The following LMO7 variants were observed in gnomAD, a reference collection of about 807,000 sequenced individuals.
The protein encoded by LMO7 is LIM domain 7, also known as LIM domain only protein 7.
In LMO7, 120 loss-of-function variants were observed where a neutral mutation model predicts 206.5. The observed-to-expected ratio is 0.58, with a 90% CI of 0.50 to 0.68. LMO7 has a LOEUF of 0.68. LMO7 is among the 30% of genes least tolerant of loss of function. The pLI, the probability that LMO7 is intolerant of heterozygous loss-of-function variation, is 0.00. For synonymous variants in LMO7, 706 were observed against 681.5 expected, an observed-to-expected ratio of 1.04 and a Z score of -0.56; for missense variants, 1,959 against 1,957.9, an observed-to-expected ratio of 1.00 and a Z score of -0.01.
At chr13:75,763,086 A>G (rs2048398577) in intron 4 of LMO7, among the ~76,000 whole-genome samples, 1 of 152,174 alleles carries the variant, frequency 6.6e-6, no homozygotes, top group Admixed American at 6.6e-5. Flanking sequence ...TTGTCCTGTC[A>G]TTATTGTAGA....
At chr13:75,749,762 A>G (rs1056065611) in intron 3 of LMO7, among the ~76,000 whole-genome samples, 1 of 151,524 alleles carries the variant, frequency 6.6e-6, no homozygotes, top group African/African-American at 2.4e-5. Flanking sequence ...TTCATATGTT[A>G]TGAAACTTTA....
exon 1 of LMO7, chr13:75,621,503 T>C (rs974639926): frequency 3.8e-5 from 13 of 342,204 alleles, no homozygotes; most frequent in Non-Finnish European, 6.3e-5. Context: ...TTGATAACTA[T>C]GTTTATAGAA....
chr13:75,631,756 G>T (rs2034984042), upstream of LMO7: 1 of 152,292 alleles, frequency 6.6e-6, no homozygotes, highest in Non-Finnish European at 1.5e-5. Flanking sequence ...AACTTTGAAG[G>T]AGCTGATAGC....
chr13:75,681,475 T>A (rs938515114), intron 1 of LMO7, among the ~76,000 whole-genome samples: 10 of 151,932 alleles, frequency 6.6e-5, no homozygotes, highest in Non-Finnish European at 1.0e-4. Context: ...TTATCCTTTT[T>A]AGTATACTGA....
At chr13:75,732,111 G>T (rs2045304933) in intron 3 of LMO7, among the ~76,000 whole-genome samples, 1 of 151,924 alleles carries the variant, frequency 6.6e-6, no homozygotes, top group African/African-American at 2.4e-5. Flanking sequence ...TCTTAGAGTT[G>T]CTCTTCTCGA....
At chr13:75,796,817 C>A in intron 6 of LMO7, 68 bp downstream of exon 6, 1 of 935,086 alleles carries the variant, frequency 1.1e-6, no homozygotes, top group Non-Finnish European at 1.7e-6. Context: ...TTCCTCCTCT[C>A]TTCTTTTTCT....
In LMO7 at chr13:75,817,191, A is replaced by T. The variant is rs1221276232; in HGVS notation, c.1977A>T (p.Glu659Asp). 3.1e-6 allele frequency: 5 copies of T among 1,613,754 alleles called. No individual in the cohort carries two copies. Among genetic ancestry groups the T allele is most frequent in the Non-Finnish European group, 4.2e-6 (5 of 1,179,690 alleles). Residue 659 changes from glutamate (E) to aspartate (D), a missense_variant, in exon 12 of 31, where the codon GAA becomes GAT. Coordinates refer to ENST00000377534, the MANE Select transcript of LMO7 (RefSeq NM_001306080.2). ...GSKSMSDVSAEDVQNLRQLRY... is the reference protein window; with the variant it reads ...GSKSMSDVSADDVQNLRQLRY... The stretch of plus-strand genomic sequence containing the variant: ...AGTCCATGAGTGATGTCAGCGCAGA[A>T]GATGTTCAAAACTTGCGTCAGCTGC...
At chr13:75,803,012 T>A (rs2054968510) in intron 7 of LMO7, among the ~76,000 whole-genome samples, 1 of 152,214 alleles carries the variant, frequency 6.6e-6, no homozygotes, top group South Asian at 2.1e-4. Context: ...ATAGTCTCTT[T>A]ATGACTTTAA....
rs149841695 is a variant in LMO7, at chr13:75,743,996, A to C, written c.210+16898A>C. ...ACATAGTTTGAGGTTATCCAGTATGAATAAACTGAAGATTGTGCATTGCTG... is the reference window on the plus strand; with the variant it reads ...ACATAGTTTGAGGTTATCCAGTATGCATAAACTGAAGATTGTGCATTGCTG... On this transcript the variant is annotated intron_variant, in intron 3 of 30. Coordinates refer to ENST00000377534, the MANE Select transcript of LMO7 (RefSeq NM_001306080.2). 4.5e-3 allele frequency among the ~76,000 whole-genome samples: 688 copies of C among 152,334 alleles called. 6 individuals carry two copies. Among genetic ancestry groups the C allele is most frequent in the African/African-American group, 0.016 (672 of 41,574 alleles).
chr13:75,794,941 A>G (rs1242479743), intron 4 of LMO7, among the ~76,000 whole-genome samples: 2 of 152,120 alleles, frequency 1.3e-5, no homozygotes, highest in African/African-American at 4.8e-5. Flanking sequence ...GATGATGAAA[A>G]AAAAACCCCA....
intron 7 of LMO7, among the ~76,000 whole-genome samples, chr13:75,801,610 G>A (rs2096287471): frequency 6.6e-6 from 1 of 152,102 alleles, no homozygotes; most frequent in Non-Finnish European, 1.5e-5. Flanking sequence ...TGGCTACTGG[G>A]TATAGCGTCA....
At chr13:75,855,438 G>A (rs549602063) in intron 29 of LMO7, 70 bp downstream of exon 29, 21 of 926,516 alleles carry the variant, frequency 2.3e-5, no homozygotes, top group African/African-American at 6.5e-5. Flanking sequence ...GCTTTGAGCC[G>A]CTGGGTGTAG....
At chr13:75,817,321 A>G in intron 12 of LMO7, 43 bp downstream of exon 12, 2 of 1,292,004 alleles carry the variant, frequency 1.5e-6, no homozygotes, top group South Asian at 1.2e-5. Flanking sequence ...GTATTTGTCT[A>G]ACTTTTCTTT....
intron 4 of LMO7, among the ~76,000 whole-genome samples, chr13:75,774,355 T>C (rs1238959339): frequency 6.6e-6 from 1 of 152,142 alleles, no homozygotes; most frequent in African/African-American, 2.4e-5. Flanking sequence ...TTTTTTGAAA[T>C]TGATTCATGT....
chr13:75,714,774 A>G (rs752820544), intron 2 of LMO7, among the ~76,000 whole-genome samples: 3 of 152,184 alleles, frequency 2.0e-5, no homozygotes, highest in Non-Finnish European at 2.9e-5. Flanking sequence ...TAATTTGAAA[A>G]CAGTATGATT....
intron 4 of LMO7, among the ~76,000 whole-genome samples, chr13:75,791,998 C>T (rs1202849498): frequency 1.3e-5 from 2 of 151,974 alleles, no homozygotes; most frequent in Non-Finnish European, 1.5e-5. Context: ...GAGAGGGTCT[C>T]GCTTTGTCAC....
intron 4 of LMO7, among the ~76,000 whole-genome samples, chr13:75,767,214 A>T (rs939890979): frequency 1.3e-5 from 2 of 152,128 alleles, no homozygotes; most frequent in Non-Finnish European, 2.9e-5. Context: ...CTTAACTGAC[A>T]TTTAAATAAT....
intron 1 of LMO7, among the ~76,000 whole-genome samples, chr13:75,677,991 T>C (rs1296936833): frequency 6.6e-6 from 1 of 152,064 alleles, no homozygotes; most frequent in East Asian, 1.9e-4. Context: ...TTTATGCCTG[T>C]ATAGTATTCC....
intron 4 of LMO7, among the ~76,000 whole-genome samples, chr13:75,777,924 C>T (rs1328664488): frequency 6.6e-6 from 1 of 152,096 alleles, no homozygotes; most frequent in Non-Finnish European, 1.5e-5. Context: ...GGATTACAGG[C>T]GTAAGCCACC....
Sources: gnomAD v4.1 joint callset for allele counts (sites outside exome capture counted in the v4.1 genomes callset) on GRCh38, gnomAD v4.1.1 for gene constraint, MANE v1.5 for transcripts, NCBI Gene and HGNC (gene_info 2026-07-23, HGNC 2026-07-21) for gene names.